The following NMNAT2 variants were observed in gnomAD, a reference collection of about 807,000 sequenced individuals.
NMNAT2 encodes nicotinamide/nicotinic acid mononucleotide adenylyltransferase 2.
Under a neutral mutation model 41.6 loss-of-function variants are expected in NMNAT2, and 11 were observed. The ratio of observed to expected loss-of-function variants is 0.26; its 90% CI spans 0.17 to 0.44. The LOEUF (loss-of-function observed/expected upper bound fraction) is 0.44. NMNAT2 is among the 20% of genes least tolerant of loss of function. The pLI, the probability that NMNAT2 is intolerant of heterozygous loss-of-function variation, is 1.00. For missense variants in NMNAT2, 288 were observed against 407.7 expected (o/e 0.71, Z 2.53); for synonymous variants, 148 against 151.2 (o/e 0.98, Z 0.16).
At chr1:183,296,761 A>G (rs1251404659) in intron 1 of NMNAT2, among the ~76,000 whole-genome samples, 1 of 151,592 alleles carries the variant, frequency 6.6e-6, no homozygotes, top group East Asian at 1.9e-4. Flanking sequence ...TGATCTGACC[A>G]CCTCAGCCTC....
rs966376694 is a variant in NMNAT2 at position 183,368,439 on chromosome 1, C to T, written c.85+49744G>A. 3.3e-5 allele frequency among the ~76,000 whole-genome samples: 5 copies of T among 152,192 alleles called. No individual in the cohort carries two copies. The South Asian group carries it at 1.0e-3, about 31-fold the overall frequency. The stretch of plus-strand genomic sequence containing the variant: ...GCGCTGTCTCATCTCTTTTGAGCTC[C>T]TGAGGCCTCTACACACCACACAATA... On this transcript the variant is annotated intron_variant, in intron 1 of 10. Coordinates refer to ENST00000287713, the MANE Select transcript of NMNAT2 (RefSeq NM_015039.4).
At chr1:183,301,115 T>C (rs189382464) in intron 1 of NMNAT2, among the ~76,000 whole-genome samples, 3 of 152,352 alleles carry the variant, frequency 2.0e-5, no homozygotes, top group Admixed American at 2.0e-4. Flanking sequence ...TAAAATATTG[T>C]TTATTTTGAT....
At chr1:183,394,757 C>T (rs1386995886) in intron 1 of NMNAT2, among the ~76,000 whole-genome samples, 1 of 152,210 alleles carries the variant, frequency 6.6e-6, no homozygotes, top group Non-Finnish European at 1.5e-5. Flanking sequence ...GGGCTCACAT[C>T]TCAATGAGGT....
intron 1 of NMNAT2, among the ~76,000 whole-genome samples, chr1:183,303,577 C>T (rs1340240327): frequency 1.3e-5 from 2 of 152,170 alleles, no homozygotes; most frequent in Non-Finnish European, 2.9e-5. Context: ...CGATTTGGTC[C>T]TTTAGTCCCA....
chr1:183,413,858 C>T (rs1269728728), intron 1 of NMNAT2, among the ~76,000 whole-genome samples: 2 of 152,102 alleles, frequency 1.3e-5, no homozygotes, highest in Non-Finnish European at 2.9e-5. Context: ...CCGCCCGCCT[C>T]GGCCTCCCAA....
intron 5 of NMNAT2, among the ~76,000 whole-genome samples, chr1:183,285,911 G>A (rs1236644675): frequency 2.6e-5 from 4 of 152,182 alleles, no homozygotes; most frequent in African/African-American, 9.7e-5. Context: ...TGATGGCTAA[G>A]AGTGTGGGGA....
At chr1:183,296,791 G>C (rs1004328721) in intron 1 of NMNAT2, among the ~76,000 whole-genome samples, 2 of 152,170 alleles carry the variant, frequency 1.3e-5, no homozygotes, top group Admixed American at 6.5e-5. Context: ...TGGGATTACA[G>C]GCATGAGCCA....
intron 1 of NMNAT2, among the ~76,000 whole-genome samples, chr1:183,346,258 G>A (rs1374244475): frequency 6.6e-6 from 1 of 151,964 alleles, no homozygotes; most frequent in Non-Finnish European, 1.5e-5. Context: ...CACCTTCAGG[G>A]TCAACACAAA....
chr1:183,263,535 C>T (rs937175537), intron 8 of NMNAT2, among the ~76,000 whole-genome samples: 5 of 152,182 alleles, frequency 3.3e-5, no homozygotes, highest in Admixed American at 6.5e-5. Context: ...ACCAGAATCT[C>T]GGGCCAGGCG....
chr1:183,320,520 C>T (rs1159801184), intron 1 of NMNAT2, among the ~76,000 whole-genome samples: 6 of 152,138 alleles, frequency 3.9e-5, no homozygotes, highest in Non-Finnish European at 7.4e-5. Flanking sequence ...GCAGGAGAAT[C>T]GCTTAAACCC....
chr1:183,292,084 T>G (rs1233589503), intron 3 of NMNAT2, among the ~76,000 whole-genome samples: 1 of 152,220 alleles, frequency 6.6e-6, no homozygotes, highest in East Asian at 1.9e-4. Flanking sequence ...TTTTCCATAG[T>G]GGGGGAAATT....
intron 1 of NMNAT2, among the ~76,000 whole-genome samples, chr1:183,416,696 C>T (rs757294116): frequency 1.3e-5 from 2 of 152,098 alleles, no homozygotes; most frequent in Non-Finnish European, 2.9e-5. Flanking sequence ...TATGCCTACC[C>T]GATTTGCCCT....
At chr1:183,276,716 A>G (rs1376615993) in intron 8 of NMNAT2, among the ~76,000 whole-genome samples, 1 of 152,236 alleles carries the variant, frequency 6.6e-6, no homozygotes, top group Non-Finnish European at 1.5e-5. Context: ...GCCTCCGGCA[A>G]TTGCCCAGAT....
chr1:183,258,236 C>A (rs1319581601), intron 10 of NMNAT2, among the ~76,000 whole-genome samples: 1 of 152,176 alleles, frequency 6.6e-6, no homozygotes, highest in Non-Finnish European at 1.5e-5. Context: ...GTCTAGGTGT[C>A]AGACCCAAAC....
At chr1:183,256,354 A>C (rs1200482317) in intron 10 of NMNAT2, among the ~76,000 whole-genome samples, 1 of 152,164 alleles carries the variant, frequency 6.6e-6, no homozygotes, top group Non-Finnish European at 1.5e-5. Flanking sequence ...GGTTGCAGTG[A>C]GCAGAGATTG....
chr1:183,256,381 C>G (rs890027895), intron 10 of NMNAT2, among the ~76,000 whole-genome samples: 2 of 151,884 alleles, frequency 1.3e-5, no homozygotes, highest in Non-Finnish European at 2.9e-5. Flanking sequence ...TGCACTCCAG[C>G]CTGGGTGACA....
chr1:183,341,723 ACC>A (rs1247064188), intron 1 of NMNAT2, among the ~76,000 whole-genome samples: 6 of 106,536 alleles, frequency 5.6e-5, no homozygotes, highest in African/African-American at 1.4e-4. Flanking sequence ...ACAAACAAAC[ACC>A]AAAAAAAAAA....
chr1:183,375,254 C>G lies in NMNAT2; in HGVS notation c.85+42929G>C, dbSNP rs548497900. Among the ~76,000 whole-genome samples, 71 of 152,326 alleles carry G rather than the reference C, an allele frequency of 4.7e-4. 1 individual carries two copies. The highest frequency in any genetic ancestry group is 1.6e-3 in the African/African-American group (67 of 41,568). ...ATAAACAAATAATAACAACCCATGG[C>G]CAGTGCTTCCCTTTATTTATCCAAT... On this transcript the variant is annotated intron_variant, in intron 1 of 10. Coordinates refer to ENST00000287713, the MANE Select transcript of NMNAT2 (RefSeq NM_015039.4).
intron 7 of NMNAT2, among the ~76,000 whole-genome samples, chr1:183,281,867 C>T (rs990075368): frequency 3.9e-5 from 6 of 152,232 alleles, no homozygotes; most frequent in African/African-American, 1.2e-4. Context: ...TGAGCCCCAG[C>T]GCCTCACACA....
Sources: gnomAD v4.1 joint callset for allele counts (sites outside exome capture counted in the v4.1 genomes callset) on GRCh38, gnomAD v4.1.1 for gene constraint, MANE v1.5 for transcripts, NCBI Gene and HGNC (gene_info 2026-07-23, HGNC 2026-07-21) for gene names.